The following SIPA1L1 variants were observed in gnomAD, a reference collection of about 807,000 sequenced individuals.
The protein encoded by SIPA1L1 is signal-induced proliferation-associated 1-like protein 1.
SIPA1L1 carries 26 observed loss-of-function variants against 162.7 expected under a neutral mutation model. That is an observed-to-expected ratio of 0.16 (90% CI 0.12 to 0.22). SIPA1L1 has a LOEUF of 0.22. Ranked by LOEUF, SIPA1L1 falls within the 10% of genes least tolerant of loss-of-function variation. SIPA1L1 has a pLI of 1.00. For missense variants in SIPA1L1, 1,874 were observed against 2,241.0 expected (o/e 0.84, Z 3.31); for synonymous variants, 829 against 837.4 (o/e 0.99, Z 0.17).
intron 2 of SIPA1L1, among the ~76,000 whole-genome samples, chr14:71,486,240 A>G (rs971928094): frequency 6.6e-6 from 1 of 152,226 alleles, no homozygotes; most frequent in Admixed American, 6.5e-5. Context: ...CTGTTTGACT[A>G]GTAGGAACAG....
chr14:71,729,154 G>T (rs1297279271), intron 19 of SIPA1L1, among the ~76,000 whole-genome samples: 1 of 152,096 alleles, frequency 6.6e-6, no homozygotes, highest in African/African-American at 2.4e-5. Context: ...TCCTGTCTCA[G>T]CCTCCTGAGT....
intron 3 of SIPA1L1, among the ~76,000 whole-genome samples, chr14:71,516,675 A>G (rs1453577487): frequency 6.6e-6 from 1 of 150,970 alleles, no homozygotes; most frequent in Non-Finnish European, 1.5e-5. Flanking sequence ...TTTTTTAAAA[A>G]TGCCTTTTTT....
chr14:71,353,534 T>A (rs1406061622), intron 2 of SIPA1L1, among the ~76,000 whole-genome samples: 1 of 152,196 alleles, frequency 6.6e-6, no homozygotes. Context: ...AGCGCAGCAT[T>A]GACCTGGTCT....
At chr14:71,539,016 T>G (rs2054144093) in intron 4 of SIPA1L1, among the ~76,000 whole-genome samples, 1 of 152,204 alleles carries the variant, frequency 6.6e-6, no homozygotes, top group Admixed American at 6.5e-5. Flanking sequence ...TTAGTATTTC[T>G]CAACTGTTTT....
intron 2 of SIPA1L1, among the ~76,000 whole-genome samples, chr14:71,432,199 G>A (rs144278285): frequency 1.7e-3 from 260 of 151,922 alleles, no homozygotes; most frequent in African/African-American, 5.9e-3. Context: ...TTCAGCCTCC[G>A]GAGTAGCTGG....
At chr14:71,557,121 T>C (rs1240569789) in intron 4 of SIPA1L1, among the ~76,000 whole-genome samples, 2 of 152,230 alleles carry the variant, frequency 1.3e-5, no homozygotes, top group Admixed American at 1.3e-4. Context: ...TTAATACTTC[T>C]TTTCCCATTT....
intron 2 of SIPA1L1, among the ~76,000 whole-genome samples, chr14:71,360,277 T>G (rs1406312809): frequency 6.6e-6 from 1 of 152,258 alleles, no homozygotes; most frequent in Non-Finnish European, 1.5e-5. Flanking sequence ...TCTAAAGATA[T>G]ATTTGACCTT....
chr14:71,474,878 G>C (rs775452606), intron 2 of SIPA1L1, among the ~76,000 whole-genome samples: 9 of 152,114 alleles, frequency 5.9e-5, no homozygotes, highest in Non-Finnish European at 1.5e-5. Context: ...TAAATTTCAG[G>C]CTGTAAATCG....
chr14:71,407,344 A>G (rs1807319673), intron 2 of SIPA1L1, among the ~76,000 whole-genome samples: 1 of 152,040 alleles, frequency 6.6e-6, no homozygotes, highest in Non-Finnish European at 1.5e-5. Flanking sequence ...TATACTGTAG[A>G]CAGTTTTAGG....
At chr14:71,450,930 G>A (rs552082102) in intron 2 of SIPA1L1, among the ~76,000 whole-genome samples, 1 of 152,238 alleles carries the variant, frequency 6.6e-6, no homozygotes, top group Admixed American at 6.5e-5. Context: ...TGAAATCAGT[G>A]TTTGAAGAAG....
At chr14:71,576,071 T>C (rs939761137) in intron 4 of SIPA1L1, among the ~76,000 whole-genome samples, 3 of 152,360 alleles carry the variant, frequency 2.0e-5, no homozygotes, top group African/African-American at 7.2e-5. Context: ...AGTGATTACA[T>C]TTCAAGGGTA....
At chr14:71,544,067 ACACG>A (rs1350179207) in intron 4 of SIPA1L1, among the ~76,000 whole-genome samples, 22 of 148,730 alleles carry the variant, frequency 1.5e-4, no homozygotes, top group East Asian at 6.0e-4. Flanking sequence ...ATGTATATAC[ACACG>A]CACGCACATG....
At chr14:71,736,012 AT>A (rs1363136131) in intron 22 of SIPA1L1, among the ~76,000 whole-genome samples, 1 of 152,220 alleles carries the variant, frequency 6.6e-6, no homozygotes, top group Admixed American at 6.5e-5. Flanking sequence ...TAATTTCTGT[AT>A]GTTAAAGCAT....
At chr14:71,418,932 G>A (rs118115563) in intron 2 of SIPA1L1, among the ~76,000 whole-genome samples, 234 of 152,288 alleles carry the variant, frequency 1.5e-3, no homozygotes, top group Non-Finnish European at 2.5e-3. Context: ...AGAATGTAGC[G>A]TTGAATGTCC....
At chr14:71,677,956 G>A (rs1405853447) in intron 12 of SIPA1L1, among the ~76,000 whole-genome samples, 2 of 152,082 alleles carry the variant, frequency 1.3e-5, no homozygotes, top group African/African-American at 2.4e-5. Flanking sequence ...TGGCAATGTG[G>A]GCTCTTTTTT....
At chr14:71,652,613 A>G (rs1459669649) in intron 8 of SIPA1L1, among the ~76,000 whole-genome samples, 2 of 148,896 alleles carry the variant, frequency 1.3e-5, no homozygotes, top group Non-Finnish European at 3.0e-5. Flanking sequence ...CCACAGGTTA[A>G]TGAGGCCCTG....
rs573615550 is a variant in SIPA1L1 at position 71,694,089 on chromosome 14, G to A, written c.3375-4892G>A. On this transcript the variant is annotated intron_variant, in intron 13 of 23. Coordinates refer to ENST00000381232, the MANE Select transcript of SIPA1L1 (RefSeq NM_001386936.1). ...ACTTAGAATTCCATAGCCATAAGTTGATAAGTTGTAATCAGTCATAATCTG... is the reference window on the plus strand; with the variant it reads ...ACTTAGAATTCCATAGCCATAAGTTAATAAGTTGTAATCAGTCATAATCTG... 2.6e-5 allele frequency among the ~76,000 whole-genome samples: 4 copies of A among 152,274 alleles called. No individual in the cohort carries two copies. The South Asian group carries it at 8.3e-4, about 32-fold the overall frequency.
intron 12 of SIPA1L1, among the ~76,000 whole-genome samples, chr14:71,674,966 C>T (rs28564960): frequency 0.013 from 1,990 of 152,348 alleles, 40 homozygotes; most frequent in African/African-American, 0.045. Context: ...TGAACTGCCA[C>T]GTTGTGTGCT....
At position 71,699,186 on chromosome 14, in the gene SIPA1L1, TA is replaced by T. The variant is rs1041734575; in HGVS notation, c.3521+60del. On this transcript the variant is annotated intron_variant, in intron 14 of 23. Transcript: ENST00000381232. ...CTGTTGGCATCATTTCTTTCATCTG[TA>T]CTCAGACATGTAAAATGACTTCCAT... 3 of 1,495,848 alleles carry T rather than the reference TA, an allele frequency of 2.0e-6. No individual in the cohort carries two copies. The Admixed American group carries it at 5.2e-5, about 26-fold the overall frequency. The allele number at this position is 1,495,848 out of a possible 1,614,324, so 92.7% of individuals were successfully genotyped here. A position where few individuals can be genotyped will look rare whatever the true frequency, so the allele number is the denominator to read the frequency against.
Sources: allele counts gnomAD v4.1 joint callset (sites outside exome capture counted in the v4.1 genomes callset), GRCh38; gene constraint gnomAD v4.1.1; transcripts MANE v1.5; gene names NCBI Gene and HGNC (gene_info 2026-07-23, HGNC 2026-07-21).